The following PRAG1 variants were observed in gnomAD, a reference collection of about 807,000 sequenced individuals.
PRAG1 encodes the protein inactive tyrosine-protein kinase PRAG1.
In PRAG1, 110 loss-of-function variants were observed where a neutral mutation model predicts 95.6. The ratio of observed to expected loss-of-function variants is 1.15; its 90% confidence interval spans 0.99 to 1.35. The LOEUF is 1.35. Among genes scored for constraint, PRAG1 ranks in the 40% most tolerant of loss-of-function variants. PRAG1 has a pLI of 0.00. For missense variants in PRAG1, 2,554 were observed against 1,864.7 expected (o/e 1.37, Z -6.81); for synonymous variants, 1,052 against 819.4 (o/e 1.28, Z -4.85).
intron 3 of PRAG1, among the ~76,000 whole-genome samples, chr8:8,351,009 T>G (rs559290254): frequency 3.3e-5 from 5 of 152,134 alleles, no homozygotes; most frequent in Non-Finnish European, 5.9e-5. Context: ...ACTTCTGCAG[T>G]CTCCAGTATA....
intron 5 of PRAG1, 50 bp from the exon 6 acceptor site, chr8:8,319,352 C>G: frequency 6.9e-7 from 1 of 1,441,356 alleles, no homozygotes; most frequent in Non-Finnish European, 9.3e-7. Flanking sequence ...ATGGTTCCGC[C>G]CAGCAAAGAG....
chr8:8,322,942 A>T lies in PRAG1; in HGVS notation c.3073-3640T>A, dbSNP rs764900810. ...ACCACTTTGGGAACATGGTCTCAGG[A>T]TCTCCTGAGGGCTGTGTCATGGGCC... is the stretch of plus-strand genomic sequence containing the variant. On this transcript the variant is annotated intron_variant, in intron 5 of 5. Transcript: ENST00000615670. Among the ~76,000 whole-genome samples the T allele has an allele frequency of 4.1e-4, 62 of 152,188 alleles. 1 individual carries two copies. The highest frequency in any genetic ancestry group is 7.1e-4 in the Non-Finnish European group (48 of 68,032).
At chr8:8,329,984 G>A (rs1428398699) in intron 4 of PRAG1, among the ~76,000 whole-genome samples, 1 of 152,180 alleles carries the variant, frequency 6.6e-6, no homozygotes, top group Non-Finnish European at 1.5e-5. Context: ...GAGAACCAAT[G>A]GATTCATGCA....
chr8:8,383,756 G>C (rs181064036), intron 1 of PRAG1, among the ~76,000 whole-genome samples: 1 of 152,238 alleles, frequency 6.6e-6, no homozygotes, highest in African/African-American at 2.4e-5. Context: ...CAAGTAGCAG[G>C]TTCCTTCTTT....
At chr8:8,338,841 C>T (rs1384478123) in intron 4 of PRAG1, among the ~76,000 whole-genome samples, 1 of 152,198 alleles carries the variant, frequency 6.6e-6, no homozygotes, top group African/African-American at 2.4e-5. Flanking sequence ...GGAGAGGACA[C>T]ATACACAAAG....
chr8:8,339,747 G>T, intron 3 of PRAG1, 112 bp from the exon 4 acceptor site: 1 of 1,037,476 alleles, frequency 9.6e-7, no homozygotes, highest in Non-Finnish European at 1.4e-6. Context: ...ATGTCAGCAA[G>T]TTTATTAAAA....
chr8:8,359,418 C>T (rs1799779203), intron 3 of PRAG1, among the ~76,000 whole-genome samples: 1 of 152,160 alleles, frequency 6.6e-6, no homozygotes, highest in Non-Finnish European at 1.5e-5. Flanking sequence ...AGAATTGAGG[C>T]TACAGTTTCT....
chr8:8,375,019 C>T (rs1278742442), intron 3 of PRAG1, among the ~76,000 whole-genome samples: 1 of 151,580 alleles, frequency 6.6e-6, no homozygotes, highest in African/African-American at 2.4e-5. Flanking sequence ...ATCAGTTTCG[C>T]TCTAATCGAG....
chr8:8,360,088 T>C (rs1414795259), intron 3 of PRAG1, among the ~76,000 whole-genome samples: 1 of 152,126 alleles, frequency 6.6e-6, no homozygotes, highest in African/African-American at 2.4e-5. Context: ...TTAATTCATG[T>C]TTGGGTCCCA....
chr8:8,321,172 C>A lies in PRAG1; in HGVS notation c.3073-1870G>T, dbSNP rs146899398. ...CAATCACAGCTCACTGCGGTTTTGA[C>A]CTCCCAGGTTTAAGCGATCCTCCCA... On this transcript the variant is annotated intron_variant, in intron 5 of 5. Transcript: ENST00000615670. Among the ~76,000 whole-genome samples, 547 of 152,306 alleles carry A rather than the reference C, an allele frequency of 3.6e-3. 4 individuals carry two copies. The highest frequency in any genetic ancestry group is 0.012 in the African/African-American group (519 of 41,566).
intron 4 of PRAG1, among the ~76,000 whole-genome samples, chr8:8,332,328 A>AT (rs1476548672): frequency 6.6e-6 from 1 of 151,648 alleles, no homozygotes; most frequent in African/African-American, 2.4e-5. Flanking sequence ...CGCCCAGCTA[A>AT]TTTTTTGTAT....
At chr8:8,363,027 T>C (rs1482863550) in intron 3 of PRAG1, among the ~76,000 whole-genome samples, 3 of 150,950 alleles carry the variant, frequency 2.0e-5, no homozygotes, top group Non-Finnish European at 4.4e-5. Flanking sequence ...AAACTAATAT[T>C]GTAGTTAAAG....
At chr8:8,365,147 C>T (rs539201750) in intron 3 of PRAG1, among the ~76,000 whole-genome samples, 1 of 152,286 alleles carries the variant, frequency 6.6e-6, no homozygotes, top group East Asian at 1.9e-4. Context: ...TCTGTCTTTT[C>T]ACCAGTGGAG....
At chr8:8,365,714 G>A (rs1411808316) in intron 3 of PRAG1, among the ~76,000 whole-genome samples, 1 of 150,704 alleles carries the variant, frequency 6.6e-6, no homozygotes, top group Non-Finnish European at 1.5e-5. Flanking sequence ...TGTAATCCCA[G>A]CACTTTGGGA....
intron 3 of PRAG1, among the ~76,000 whole-genome samples, chr8:8,342,352 C>T (rs769940613): frequency 2.6e-5 from 4 of 151,696 alleles, no homozygotes; most frequent in East Asian, 2.0e-4. Flanking sequence ...CCCACCACCA[C>T]GCCCCGCTAA....
At chr8:8,385,820 G>A (rs1039521619) in intron 1 of PRAG1, among the ~76,000 whole-genome samples, 1 of 152,000 alleles carries the variant, frequency 6.6e-6, no homozygotes, top group African/African-American at 2.4e-5. Context: ...GCCAGGGCTC[G>A]GGGAAAAGGG....
intron 3 of PRAG1, among the ~76,000 whole-genome samples, chr8:8,361,539 G>A (rs1563247413): frequency 1.3e-5 from 2 of 152,126 alleles, no homozygotes; most frequent in African/African-American, 4.8e-5. Flanking sequence ...TTGTTCTCCT[G>A]TCCCCCTTCA....
chr8:8,378,318 C>T (rs755354774), intron 2 of PRAG1, among the ~76,000 whole-genome samples: 76 of 152,136 alleles, frequency 5.0e-4, no homozygotes, highest in Non-Finnish European at 8.2e-4. Context: ...GCCCTTCCTA[C>T]CCATGGACTG....
chr8:8,339,872 C>G (rs955297401), intron 3 of PRAG1, among the ~76,000 whole-genome samples: 3 of 152,166 alleles, frequency 2.0e-5, no homozygotes, highest in Admixed American at 1.3e-4. Context: ...TAAATTTAAA[C>G]AAGCACCAAA....
Sources: allele counts gnomAD v4.1 joint callset (sites outside exome capture counted in the v4.1 genomes callset), GRCh38; gene constraint gnomAD v4.1.1; transcripts MANE v1.5; gene names NCBI Gene and HGNC (gene_info 2026-07-23, HGNC 2026-07-21).